Variants in TRAPPC3L observed in about 807,000 individuals in gnomAD.
TRAPPC3L encodes trafficking protein particle complex subunit 3-like protein.
TRAPPC3L carries 23 observed loss-of-function variants against 23.7 expected under a neutral mutation model. The ratio of observed to expected loss-of-function variants is 0.97; its 90% CI spans 0.70 to 1.37. The LOEUF is 1.37. TRAPPC3L is among the 40% of genes most tolerant of loss of function. TRAPPC3L has a pLI of 0.00. For synonymous variants in TRAPPC3L, 81 were observed against 77.9 expected, an observed-to-expected ratio of 1.04 and a Z score of -0.21; for missense variants, 212 against 216.8, an observed-to-expected ratio of 0.98 and a Z score of 0.14.
At chr6:116,500,338 C>T (rs1011476672) in intron 4 of TRAPPC3L, 143 bp downstream of exon 4, 8 of 755,760 alleles carry the variant, frequency 1.1e-5, no homozygotes, top group Non-Finnish European at 1.6e-5. Flanking sequence ...TTTTTTTAAG[C>T]TGCTACATTT....
intron 3 of TRAPPC3L, among the ~76,000 whole-genome samples, chr6:116,509,107 A>C (rs1000467625): frequency 6.6e-6 from 1 of 151,528 alleles, no homozygotes; most frequent in African/African-American, 2.4e-5. Flanking sequence ...AAAAAAAAAA[A>C]AAAAACCCAC....
At chr6:116,534,357 G>C (rs191729956) in intron 3 of TRAPPC3L, among the ~76,000 whole-genome samples, 1 of 152,250 alleles carries the variant, frequency 6.6e-6, no homozygotes, top group Admixed American at 6.5e-5. Flanking sequence ...CCCTCATGCT[G>C]TCTCCATTCT....
At chr6:116,543,442 A>G (rs1438062012) in intron 1 of TRAPPC3L, 42 bp from the exon 2 acceptor site, 2 of 1,410,914 alleles carry the variant, frequency 1.4e-6, no homozygotes, top group Non-Finnish European at 1.9e-6. Context: ...GCAAGTTATG[A>G]CAGTATACTA....
chr6:116,526,603 G>A (rs72959191), intron 3 of TRAPPC3L, among the ~76,000 whole-genome samples: 3,839 of 152,190 alleles, frequency 0.025, 75 homozygotes, highest in Middle Eastern at 0.092. Flanking sequence ...CCCTTGCCCG[G>A]GAGTACCACT....
At chr6:116,497,205 G>T in intron 4 of TRAPPC3L, 132 bp from the exon 5 acceptor site, 1 of 1,186,870 alleles carries the variant, frequency 8.4e-7, no homozygotes, top group South Asian at 1.5e-5. Flanking sequence ...CGTGGATAAA[G>T]GGCCCTTTAC....
chr6:116,508,158 T>C (rs978583657), intron 3 of TRAPPC3L, among the ~76,000 whole-genome samples: 4 of 152,194 alleles, frequency 2.6e-5, no homozygotes, highest in Non-Finnish European at 5.9e-5. Flanking sequence ...GACTAGGAGA[T>C]TCCTTATTCA....
At chr6:116,529,809 C>G (rs1321532) in intron 3 of TRAPPC3L, among the ~76,000 whole-genome samples, 57,311 of 152,014 alleles carry the variant, frequency 0.38, 12,445 homozygotes, top group East Asian at 0.54. Context: ...TGAAAATAAA[C>G]AGGTTCCAGG....
chr6:116,512,204 G>T (rs533816800), intron 3 of TRAPPC3L: 44 of 1,605,260 alleles, frequency 2.7e-5, no homozygotes, highest in Non-Finnish European at 3.3e-5. Context: ...CGTCAATGAA[G>T]AACTGAAACT....
intron 3 of TRAPPC3L, among the ~76,000 whole-genome samples, chr6:116,534,879 GTTTT>G (rs1248290028): frequency 6.6e-6 from 1 of 152,098 alleles, no homozygotes; most frequent in Non-Finnish European, 1.5e-5. Context: ...GGGGTTTCAA[GTTTT>G]TTAAGTCTTT....
At chr6:116,500,091 C>G (rs145404915) in intron 4 of TRAPPC3L, among the ~76,000 whole-genome samples, 34 of 152,306 alleles carry the variant, frequency 2.2e-4, no homozygotes, top group African/African-American at 7.2e-4. Context: ...ACAAAGAGGT[C>G]CATGTGGCCA....
intron 4 of TRAPPC3L, 69 bp from the exon 5 acceptor site, chr6:116,497,142 T>G: frequency 6.7e-7 from 1 of 1,481,860 alleles, no homozygotes; most frequent in Non-Finnish European, 8.9e-7. Flanking sequence ...TTTCTCAGTC[T>G]TTTTTCAGCT....
intron 2 of TRAPPC3L, among the ~76,000 whole-genome samples, chr6:116,541,120 C>A (rs1773424004): frequency 6.6e-6 from 1 of 151,758 alleles, no homozygotes; most frequent in Non-Finnish European, 1.5e-5. Flanking sequence ...CTAGTAGTGC[C>A]TGAAGTACAA....
intron 3 of TRAPPC3L, among the ~76,000 whole-genome samples, chr6:116,540,058 A>C (rs925623396): frequency 5.9e-5 from 9 of 152,168 alleles, no homozygotes; most frequent in Admixed American, 5.9e-4. Context: ...TGGGGCATGC[A>C]TGTTTTAAGG....
In TRAPPC3L at chr6:116,516,687, A is replaced by G. The variant is rs1487015196; in HGVS notation, c.241-16021T>C. On this transcript the variant is annotated intron_variant, in intron 3 of 4. Transcript: ENST00000368602. Reference sequence around the variant, plus strand: ...TATATATATATATATATATATATATATATATATATATATATATATATACAC... The same window carrying G: ...TATATATATATATATATATATATATGTATATATATATATATATATATACAC... The G allele has an allele frequency of 7.3e-5, 5 of 68,194 alleles. No homozygotes were observed. In the East Asian group the frequency reaches 4.1e-3, roughly 55 times the overall value. 4.2% of individuals were successfully genotyped at this position (68,194 alleles called of 1,614,324 possible).
At chr6:116,520,618 G>A (rs560116551) in intron 3 of TRAPPC3L, 2 of 152,274 alleles carry the variant, frequency 1.3e-5, no homozygotes, top group South Asian at 4.1e-4. Context: ...AGAACCTGAT[G>A]TAACTTTTCT....
intron 4 of TRAPPC3L, among the ~76,000 whole-genome samples, chr6:116,499,644 C>T (rs1475203770): frequency 6.6e-6 from 1 of 152,186 alleles, no homozygotes; most frequent in Non-Finnish European, 1.5e-5. Flanking sequence ...GTGAAACACT[C>T]TTTTTGTACC....
In TRAPPC3L at chr6:116,544,648, G is replaced by A. The variant is rs115619989; in HGVS notation, c.42+825C>T. On this transcript the variant is annotated intron_variant, in intron 1 of 4. Coordinates refer to ENST00000368602, the MANE Select transcript of TRAPPC3L (RefSeq NM_001139444.3). Reference sequence around the variant, plus strand: ...CTGCTTTATAAAATCAAGTGATTTCGGTATAATATGAACTATGTACCATAT... The same window carrying A: ...CTGCTTTATAAAATCAAGTGATTTCAGTATAATATGAACTATGTACCATAT... Among the ~76,000 whole-genome samples, 811 of 152,064 alleles carry A rather than the reference G, an allele frequency of 5.3e-3. 8 individuals carry two copies. Among genetic ancestry groups the A allele is most frequent in the African/African-American group, 0.018 (766 of 41,494 alleles).
chr6:116,500,956 T>A (rs1030037792), intron 3 of TRAPPC3L, among the ~76,000 whole-genome samples: 2 of 152,214 alleles, frequency 1.3e-5, no homozygotes, highest in African/African-American at 4.8e-5. Flanking sequence ...CATTTCCAAC[T>A]GAGGTACCTG....
At chr6:116,497,126 C>T (rs1771844707) in intron 4 of TRAPPC3L, 53 bp from the exon 5 acceptor site, 1 of 1,494,618 alleles carries the variant, frequency 6.7e-7, no homozygotes, top group Non-Finnish European at 8.9e-7. Flanking sequence ...AAACAAAAAA[C>T]TAAATTTTCT....
Sources: allele counts gnomAD v4.1 joint callset (sites outside exome capture counted in the v4.1 genomes callset), GRCh38; gene constraint gnomAD v4.1.1; transcripts MANE v1.5; gene names NCBI Gene and HGNC (gene_info 2026-07-23, HGNC 2026-07-21).